Variants in PRRC2B observed in about 807,000 individuals in gnomAD.
The protein encoded by PRRC2B is proline rich coiled-coil 2B, also known as protein PRRC2B.
PRRC2B carries 68 observed loss-of-function variants against 242.3 expected under a neutral mutation model. That is an observed-to-expected ratio of 0.28 (90% CI 0.23 to 0.34). The LOEUF (loss-of-function observed/expected upper bound fraction) is 0.34, where lower values mean the gene tolerates loss of function less well. Ranked by LOEUF, PRRC2B falls within the 10% of genes least tolerant of loss-of-function variation. The probability of loss-of-function intolerance (pLI) is 1.00; values close to 1 mark genes in which losing one functional copy is unlikely to be tolerated. For synonymous variants in PRRC2B, 1,228 were observed against 1,173.6 expected, an observed-to-expected ratio of 1.05 and a Z score of -0.95; for missense variants, 2,835 against 2,954.8, an observed-to-expected ratio of 0.96 and a Z score of 0.94.
chr9:131,459,317 C>T lies in PRRC2B; in HGVS notation c.1365C>T (p.Pro455=), dbSNP rs190577269. The T allele has an allele frequency of 2.5e-6, 4 of 1,613,796 alleles. No individual in the cohort carries two copies. In the African/African-American group the frequency reaches 5.3e-5, roughly 22 times the overall value. The change falls in exon 11 of 32, where the codon CCC becomes CCT. Residue 455 remains proline, a synonymous_variant. Transcript: ENST00000683519. ...VRKAPDPQPP[P]RKLHGWAPGP... ...AGGCGCCAGACCCTCAGCCACCGCC[C>T]AGGAAGCTTCATGGCTGGGCACCAG...
chr9:131,418,582 C>G (rs1411195718), intron 1 of PRRC2B, among the ~76,000 whole-genome samples: 1 of 152,164 alleles, frequency 6.6e-6, no homozygotes, highest in African/African-American at 2.4e-5. Context: ...TTGTCTTCTT[C>G]TTTTGTGCCC....
chr9:131,430,355 C>G, intron 2 of PRRC2B, 96 bp downstream of exon 2: 1 of 692,040 alleles, frequency 1.4e-6, no homozygotes, highest in Non-Finnish European at 2.5e-6. Flanking sequence ...AGATGTGGTC[C>G]GTGCACACCA....
In PRRC2B at chr9:131,474,733, T is replaced by C; in HGVS notation, c.2604T>C (p.Cys868=). The C allele has an allele frequency of 6.2e-7, 1 of 1,612,358 alleles. No homozygotes were observed. Among genetic ancestry groups the C allele is most frequent in the Non-Finnish European group, 8.5e-7 (1 of 1,179,374 alleles). Residue 868 remains cysteine (C), a synonymous_variant, in exon 16 of 32, where the codon TGT becomes TGC. Transcript: ENST00000683519. ...TCCCAGATGAGAAAAAGCCAGAGTG[T>C]GGCAGTTGGGATGTTAGCCACCAGC... is the stretch of plus-strand genomic sequence containing the variant. ...DFVPDEKKPE[C]GSWDVSHQPE...
At chr9:131,444,149 C>A (rs778521562) in intron 5 of PRRC2B, 36 bp from the exon 6 acceptor site, 1 of 1,612,060 alleles carries the variant, frequency 6.2e-7, no homozygotes, top group South Asian at 1.1e-5. Context: ...TTGACTCCAT[C>A]TCACTTCCTC....
chr9:131,481,311 C>CAAAAAAAAAA (rs11404767), intron 19 of PRRC2B, among the ~76,000 whole-genome samples: 11 of 79,262 alleles, frequency 1.4e-4, no homozygotes, highest in African/African-American at 5.8e-4. Context: ...ACTCCGTCTC[C>CAAAAAAAAAA]AAAAAAAAAA....
chr9:131,492,966 C>T (rs1944237871), intron 30 of PRRC2B, among the ~76,000 whole-genome samples: 1 of 152,226 alleles, frequency 6.6e-6, no homozygotes, highest in Non-Finnish European at 1.5e-5. Context: ...TCTGTGTTTA[C>T]AAATGAGTGA....
At chr9:131,457,189 A>C (rs1292438524) in intron 10 of PRRC2B, among the ~76,000 whole-genome samples, 1 of 152,188 alleles carries the variant, frequency 6.6e-6, no homozygotes, top group Non-Finnish European at 1.5e-5. Context: ...ATTTCCTTTC[A>C]TGCTGTTTGA....
At chr9:131,452,557 G>T (rs1942954892) in intron 9 of PRRC2B, among the ~76,000 whole-genome samples, 1 of 152,142 alleles carries the variant, frequency 6.6e-6, no homozygotes, top group Non-Finnish European at 1.5e-5. Context: ...AGGATCTGTA[G>T]TGATATCTTT....
rs1241330288 is a variant in PRRC2B at position 131,450,931 on chromosome 9, T to C, written c.1120+3127T>C. ...GGTCCAGGAACCTGGTGTATCTCTT[T>C]ATTAGGGCTTTCATTTCTCTCAGCA... On this transcript the variant is annotated intron_variant, in intron 9 of 31. Coordinates refer to ENST00000683519, the MANE Select transcript of PRRC2B (RefSeq NM_013318.4). 4.6e-5 allele frequency among the ~76,000 whole-genome samples: 7 copies of C among 152,304 alleles called. No homozygotes were observed. The East Asian group carries it at 9.6e-4, about 21-fold the overall frequency.
intron 10 of PRRC2B, among the ~76,000 whole-genome samples, chr9:131,458,340 G>A (rs1008621379): frequency 2.0e-5 from 3 of 152,016 alleles, no homozygotes; most frequent in Non-Finnish European, 4.4e-5. Flanking sequence ...ACCTTGATGA[G>A]ACTCAGCTAC....
chr9:131,408,898 C>T (rs1461338462), intron 1 of PRRC2B, among the ~76,000 whole-genome samples: 1 of 151,222 alleles, frequency 6.6e-6, no homozygotes, highest in Non-Finnish European at 1.5e-5. Context: ...TTTGTGTTTT[C>T]AGTAGAGACG....
chr9:131,468,210 T>C (rs1402874726), intron 13 of PRRC2B, among the ~76,000 whole-genome samples: 3 of 152,212 alleles, frequency 2.0e-5, no homozygotes, highest in South Asian at 2.1e-4. Context: ...GAGAGGCACG[T>C]CACCTTTGGG....
At chr9:131,421,900 C>A (rs550025940) in intron 1 of PRRC2B, among the ~76,000 whole-genome samples, 9 of 152,174 alleles carry the variant, frequency 5.9e-5, no homozygotes, top group Non-Finnish European at 1.0e-4. Context: ...GTGTCTGCAC[C>A]GGTACTCCCA....
chr9:131,483,412 A>C lies in PRRC2B; in HGVS notation c.5427A>C (p.Pro1809=), dbSNP rs1035282911. 6.2e-6 allele frequency: 10 copies of C among 1,613,824 alleles called. No individual in the cohort carries two copies. Among genetic ancestry groups the C allele is most frequent in the East Asian group, 2.2e-5 (1 of 44,870 alleles). Residue 1809 remains proline (P), a synonymous_variant, in exon 23 of 32, where the codon CCA becomes CCC. Transcript: ENST00000683519. ...PGSASGPTGS[P]VVKLQDALAS... is the part of the protein sequence containing the mutation. The stretch of plus-strand genomic sequence containing the variant: ...CTGCCTCTGGTCCTACTGGGAGTCC[A>C]GTTGTTAAACTTCAGGATGCCTTGG...
chr9:131,380,770 C>T (rs973620439), intron 1 of PRRC2B, among the ~76,000 whole-genome samples: 10 of 147,830 alleles, frequency 6.8e-5, no homozygotes, highest in Non-Finnish European at 8.9e-5. Flanking sequence ...CCCGGCTACT[C>T]GGAAGGCTGA....
At chr9:131,382,969 C>T (rs1210137380) in intron 1 of PRRC2B, among the ~76,000 whole-genome samples, 1 of 152,188 alleles carries the variant, frequency 6.6e-6, no homozygotes, top group Non-Finnish European at 1.5e-5. Context: ...TGTAGGAGTG[C>T]ACCTCCCCTC....
Position 131,459,211 on chromosome 9 carries a change from C to A in PRRC2B, c.1259C>A (p.Ala420Glu), listed in dbSNP as rs1396648660. 1 of 1,614,004 alleles carries A rather than the reference C, an allele frequency of 6.2e-7. No homozygotes were observed. The highest frequency in any genetic ancestry group is 1.3e-5 in the African/African-American group (1 of 75,042). ...RRQRQLSMSS[A>E]DSADAKRTRE... ...CAGCGGCAGTTGTCAATGAGCTCTG[C>A]AGACAGTGCGGACGCTAAGCGGACT... The change falls in exon 11 of 32, where the codon GCA (alanine) becomes GAA (glutamate). Residue 420 changes from alanine to glutamate, a missense_variant. By Grantham distance (107) the Ala-to-Glu change is moderately radical (BLOSUM62 -1). Coordinates refer to ENST00000683519, the MANE Select transcript of PRRC2B (RefSeq NM_013318.4).
chr9:131,410,782 A>G (rs1053933695), intron 1 of PRRC2B, among the ~76,000 whole-genome samples: 2 of 151,944 alleles, frequency 1.3e-5, no homozygotes, highest in Non-Finnish European at 2.9e-5. Context: ...CTTAAATGCA[A>G]TTTTATGCAG....
chr9:131,392,936 AAAAG>A (rs1288808121), upstream of PRRC2B, among the ~76,000 whole-genome samples: 1 of 152,044 alleles, frequency 6.6e-6, no homozygotes, highest in Non-Finnish European at 1.5e-5. Flanking sequence ...AAAAAAAGAA[AAAAG>A]AAAAAAAGGA....
Sources: gnomAD v4.1 joint callset for allele counts (sites outside exome capture counted in the v4.1 genomes callset) on GRCh38, gnomAD v4.1.1 for gene constraint, MANE v1.5 for transcripts, NCBI Gene and HGNC (gene_info 2026-07-23, HGNC 2026-07-21) for gene names.